ASIC2: variants seen among roughly 807,000 people sequenced by gnomAD.
The protein encoded by ASIC2 is acid sensing ion channel subunit 2, also known as acid-sensing ion channel 2.
ASIC2 carries 25 observed loss-of-function variants against 57.3 expected under a neutral mutation model. The observed-to-expected ratio is 0.44, with a 90% CI of 0.32 to 0.61. The LOEUF (loss-of-function observed/expected upper bound fraction) is 0.61. Ranked by LOEUF, ASIC2 falls within the 20% of genes least tolerant of loss-of-function variation. The pLI is 0.06. For missense variants in ASIC2, 641 were observed against 738.1 expected (o/e 0.87, Z 1.52); for synonymous variants, 319 against 307.5 (o/e 1.04, Z -0.39).
chr17:33,779,196 C>A (rs1911373534), intron 1 of ASIC2, among the ~76,000 whole-genome samples: 3 of 152,044 alleles, frequency 2.0e-5, no homozygotes, highest in Non-Finnish European at 4.4e-5. Context: ...TTTGGCTTCC[C>A]AGGGTGTCTG....
chr17:33,658,759 G>A (rs1431343451), intron 1 of ASIC2, among the ~76,000 whole-genome samples: 1 of 152,166 alleles, frequency 6.6e-6, no homozygotes, highest in Non-Finnish European at 1.5e-5. Flanking sequence ...GCTTTGGGAG[G>A]CTGAGGTGGA....
intron 1 of ASIC2, among the ~76,000 whole-genome samples, chr17:34,103,028 C>T (rs1008265455): frequency 6.6e-6 from 1 of 152,214 alleles, no homozygotes; most frequent in Non-Finnish European, 1.5e-5. Flanking sequence ...GAGTTCTTTA[C>T]ACATTCTGAA....
intron 1 of ASIC2, among the ~76,000 whole-genome samples, chr17:33,402,455 C>A (rs1192211842): frequency 6.6e-6 from 1 of 152,188 alleles, no homozygotes. Flanking sequence ...TGTCCCTCAA[C>A]ATGCCCTAGT....
chr17:33,465,466 G>A (rs572382682), intron 1 of ASIC2, among the ~76,000 whole-genome samples: 48 of 150,902 alleles, frequency 3.2e-4, no homozygotes, highest in Admixed American at 1.4e-3. Context: ...TCCGCCTGCC[G>A]GGTTCAAGCC....
intron 1 of ASIC2, among the ~76,000 whole-genome samples, chr17:33,158,584 G>A (rs945386775): frequency 2.6e-5 from 4 of 152,196 alleles, no homozygotes; most frequent in Non-Finnish European, 5.9e-5. Flanking sequence ...GATTGGCATG[G>A]CCAAATAATT....
intron 1 of ASIC2, among the ~76,000 whole-genome samples, chr17:33,177,192 C>T (rs1291599007): frequency 1.3e-5 from 2 of 152,164 alleles, no homozygotes; most frequent in African/African-American, 2.4e-5. Context: ...GCAGAGGGAT[C>T]CCCTGTGTTC....
intron 1 of ASIC2, among the ~76,000 whole-genome samples, chr17:33,887,680 T>C (rs1386462432): frequency 6.6e-6 from 1 of 152,132 alleles, no homozygotes; most frequent in Non-Finnish European, 1.5e-5. Flanking sequence ...GAGTTCTTGT[T>C]AGGAAAAATC....
chr17:33,945,262 G>T (rs144545656), intron 1 of ASIC2, among the ~76,000 whole-genome samples: 1 of 151,868 alleles, frequency 6.6e-6, no homozygotes, highest in Non-Finnish European at 1.5e-5. Context: ...AGTGACATGG[G>T]TAACACATTC....
At chr17:33,317,507 T>C (rs1906703909) in intron 1 of ASIC2, among the ~76,000 whole-genome samples, 1 of 152,214 alleles carries the variant, frequency 6.6e-6, no homozygotes, top group Non-Finnish European at 1.5e-5. Flanking sequence ...AAGACCTTCA[T>C]CTAAGGGACA....
chr17:33,898,493 C>T (rs1330403840), intron 1 of ASIC2, among the ~76,000 whole-genome samples: 2 of 152,078 alleles, frequency 1.3e-5, no homozygotes, highest in Non-Finnish European at 2.9e-5. Context: ...GCCTCAGCCT[C>T]CCAAAGTGCT....
intron 1 of ASIC2, among the ~76,000 whole-genome samples, chr17:33,760,514 CTA>C (rs926714749): frequency 2.7e-5 from 4 of 150,438 alleles, no homozygotes; most frequent in African/African-American, 4.9e-5. Flanking sequence ...ATATATAAAG[CTA>C]TATATGTGTG....
intron 1 of ASIC2, among the ~76,000 whole-genome samples, chr17:33,809,850 G>A (rs1424103771): frequency 6.6e-6 from 1 of 152,184 alleles, no homozygotes; most frequent in African/African-American, 2.4e-5. Context: ...ATAGATCACA[G>A]CACATATTCC....
intron 1 of ASIC2, among the ~76,000 whole-genome samples, chr17:33,483,684 G>A (rs566419721): frequency 1.3e-5 from 2 of 152,314 alleles, no homozygotes; most frequent in East Asian, 3.9e-4. Context: ...CTGTGGTTTG[G>A]TGACTATTCA....
At chr17:33,264,856 G>A (rs1909407317) in intron 1 of ASIC2, among the ~76,000 whole-genome samples, 2 of 152,192 alleles carry the variant, frequency 1.3e-5, no homozygotes. Context: ...GACAATAGTT[G>A]GGAAAAAGTA....
chr17:33,294,620 AAC>A (rs140511216), upstream of ASIC2, among the ~76,000 whole-genome samples: 92 of 151,384 alleles, frequency 6.1e-4, no homozygotes, highest in Non-Finnish European at 9.4e-4. Flanking sequence ...CATATACACA[AAC>A]ACACACACAC....
intron 1 of ASIC2, among the ~76,000 whole-genome samples, chr17:33,594,442 A>T (rs1251507920): frequency 3.3e-5 from 5 of 152,172 alleles, no homozygotes; most frequent in African/African-American, 1.2e-4. Flanking sequence ...CACCAATAAC[A>T]TCCTCTTGCA....
chr17:33,893,898 T>C (rs1915024042), intron 1 of ASIC2, among the ~76,000 whole-genome samples: 1 of 152,214 alleles, frequency 6.6e-6, no homozygotes. Flanking sequence ...GGTGACCCTC[T>C]CCATTTGTTG....
chr17:33,309,502 C>T (rs1324773243), intron 1 of ASIC2, among the ~76,000 whole-genome samples: 1 of 152,154 alleles, frequency 6.6e-6, no homozygotes, highest in African/African-American at 2.4e-5. Flanking sequence ...GCTTTCTAGG[C>T]TGTTGAACTT....
intron 1 of ASIC2, among the ~76,000 whole-genome samples, chr17:33,552,259 G>A (rs1042530655): frequency 3.9e-5 from 6 of 152,288 alleles, no homozygotes; most frequent in South Asian, 4.2e-4. Context: ...TTATTACAGA[G>A]CGTCAGGAAG....
Sources: gnomAD v4.1 joint callset for allele counts (sites outside exome capture counted in the v4.1 genomes callset) on GRCh38, gnomAD v4.1.1 for gene constraint, MANE v1.5 for transcripts, NCBI Gene and HGNC (gene_info 2026-07-23, HGNC 2026-07-21) for gene names.